The following DNAH1 variants were observed in gnomAD, a reference collection of about 807,000 sequenced individuals.
DNAH1 encodes dynein axonemal heavy chain 1, also known as axonemal beta dynein heavy chain 1.
DNAH1 carries 327 observed loss-of-function variants against 484.3 expected under a neutral mutation model. The observed-to-expected ratio is 0.68, with a 90% CI of 0.62 to 0.74. DNAH1 has a LOEUF of 0.74. Ranked by LOEUF, DNAH1 falls within the 30% of genes least tolerant of loss-of-function variation. The probability of loss-of-function intolerance (pLI) is 0.00; values close to 1 mark genes in which losing one functional copy is unlikely to be tolerated. For synonymous variants in DNAH1, 2,192 were observed against 2,191.9 expected, an observed-to-expected ratio of 1.00 and a Z score of 0.00; for missense variants, 5,052 against 5,546.8, an observed-to-expected ratio of 0.91 and a Z score of 2.83.
In DNAH1 at chr3:52,359,899, G is replaced by A. The variant is rs1476170858; in HGVS notation, c.4408-17G>A. ...TCGTGGTACCCTGATGTTTGACAGT[G>A]CACCCCATTTCTGCAGCTCAGTGAT... On this transcript the variant is annotated splice_polypyrimidine_tract_variant and intron_variant, in intron 26 of 77. Transcript: ENST00000420323. The A allele has an allele frequency of 1.2e-6, 2 of 1,613,182 alleles. No homozygotes were observed. The highest frequency in any genetic ancestry group is 1.7e-6 in the Non-Finnish European group (2 of 1,179,624).
intron 8 of DNAH1, among the ~76,000 whole-genome samples, chr3:52,334,690 G>A (rs1012073009): frequency 6.6e-6 from 1 of 152,152 alleles, no homozygotes; most frequent in Non-Finnish European, 1.5e-5. Flanking sequence ...TTACTTGGGA[G>A]GCTGAGGCCC....
intron 11 of DNAH1, 144 bp downstream of exon 11, chr3:52,346,914 G>T: frequency 1.1e-6 from 1 of 870,160 alleles, no homozygotes. Flanking sequence ...CCTGCAGGCT[G>T]CTGGGCAATG....
At chr3:52,312,702 G>T (rs1172586273), upstream of DNAH1, among the ~76,000 whole-genome samples, 2 of 152,014 alleles carry the variant, frequency 1.3e-5, no homozygotes, top group East Asian at 1.9e-4. Flanking sequence ...GCCCAGGCTG[G>T]AGTGCAGTGG....
chr3:52,355,225 G>A lies in DNAH1; in HGVS notation c.3693+170G>A, dbSNP rs1051890523. ...CCCGCCCTACTGCATTCAGAGGAGG[G>A]CAACTAGGATGGGCTCTCCATCCAT... On this transcript the variant is annotated intron_variant, in intron 21 of 77. Coordinates refer to ENST00000420323, the MANE Select transcript of DNAH1 (RefSeq NM_015512.5). This position sits in a 1 kb window ranked among gnomAD's most constrained non-coding sequence, Gnocchi z 4.5. Among the ~76,000 whole-genome samples, 1 of 152,216 alleles carries A rather than the reference G, an allele frequency of 6.6e-6. No individual in the cohort carries two copies. The highest frequency in any genetic ancestry group is 2.4e-5 in the African/African-American group (1 of 41,446).
rs930365420 is a variant in DNAH1 at position 52,394,736 on chromosome 3, C to T, written c.10823+75C>T. The T allele has an allele frequency of 1.3e-4, 203 of 1,509,918 alleles. 2 individuals carry two copies. The Middle Eastern group carries it at 2.3e-3, about 17-fold the overall frequency. 93.5% of individuals were successfully genotyped at this position (1,509,918 alleles called of 1,614,324 possible). A position where few individuals can be genotyped will look rare whatever the true frequency, so the allele number is the denominator to read the frequency against. ...TCCCTAGGAAAGGCTTGTCTGGGCG[C>T]CTTCTCTAAGGGGCCACCCAGGGTT... On this transcript the variant is annotated intron_variant, in intron 67 of 77. Transcript: ENST00000420323.
intron 3 of DNAH1, among the ~76,000 whole-genome samples, chr3:52,324,584 A>G (rs913098682): frequency 6.6e-6 from 1 of 151,966 alleles, no homozygotes; most frequent in Non-Finnish European, 1.5e-5. Flanking sequence ...CACCCCCAGG[A>G]AAGACCTGGC....
chr3:52,327,799 A>G (rs566834843), intron 5 of DNAH1, 83 bp from the exon 6 acceptor site: 4 of 1,542,574 alleles, frequency 2.6e-6, no homozygotes, highest in Non-Finnish European at 3.6e-6. Context: ...TTACTTAGGC[A>G]CCCCATCCTT....
At chr3:52,394,413 C>A in intron 66 of DNAH1, 52 bp from the exon 67 acceptor site, 2 of 1,586,214 alleles carry the variant, frequency 1.3e-6, no homozygotes, top group South Asian at 2.2e-5. Flanking sequence ...GTGCCCAGAG[C>A]AGGAGGAGCT....
intron 37 of DNAH1, 78 bp from the exon 38 acceptor site, chr3:52,369,747 T>TC: frequency 6.8e-7 from 1 of 1,478,100 alleles, no homozygotes; most frequent in Non-Finnish European, 9.2e-7. Flanking sequence ...GTGCAGCCCC[T>TC]CCCCGCAGCC....
chr3:52,367,199 C>T (rs751439052), intron 36 of DNAH1, among the ~76,000 whole-genome samples: 2 of 152,094 alleles, frequency 1.3e-5, no homozygotes, highest in South Asian at 4.1e-4. Context: ...GGGCCCTCTC[C>T]GGGCCCCTGC....
chr3:52,398,236 A>G (rs1246086803), intron 75 of DNAH1, 74 bp downstream of exon 75: 4 of 1,510,790 alleles, frequency 2.6e-6, no homozygotes, highest in East Asian at 4.6e-5. Flanking sequence ...AGGGGTTACT[A>G]TGGGCCAGGT....
At chr3:52,378,527 AAGG>A in intron 46 of DNAH1, 72 bp from the exon 47 acceptor site, 2 of 1,500,470 alleles carry the variant, frequency 1.3e-6, no homozygotes, top group Non-Finnish European at 1.8e-6. Context: ...CAGCAAAGGC[AAGG>A]AGGTCAGGAC....
Position 52,347,991 on chromosome 3 carries a change from G to T in DNAH1, c.2106+17G>T. On this transcript the variant is annotated intron_variant, in intron 12 of 77. Coordinates refer to ENST00000420323, the MANE Select transcript of DNAH1 (RefSeq NM_015512.5). ...CTGGAGAAGGTACGTGCTGCAGCCT[G>T]AGCAGGCCCCAGGCACCTGCTGCCC... The T allele has an allele frequency of 6.3e-7, 1 of 1,597,426 alleles. No individual in the cohort carries two copies. The highest frequency in any genetic ancestry group is 1.1e-5 in the South Asian group (1 of 88,204).
At chr3:52,346,445 A>G (rs1035443264) in intron 10 of DNAH1, 27 bp from the exon 11 acceptor site, 10 of 1,588,782 alleles carry the variant, frequency 6.3e-6, no homozygotes, top group African/African-American at 1.3e-5. Context: ...CAGGGTGGCC[A>G]TATGATGATG....
chr3:52,395,250 C>G lies in DNAH1; in HGVS notation c.10969-58C>G. 2 of 1,578,746 alleles carry G rather than the reference C, an allele frequency of 1.3e-6. No individual in the cohort carries two copies. Among genetic ancestry groups the G allele is most frequent in the Non-Finnish European group, 1.7e-6 (2 of 1,160,586 alleles). On this transcript the variant is annotated intron_variant, in intron 68 of 77. Coordinates refer to ENST00000420323, the MANE Select transcript of DNAH1 (RefSeq NM_015512.5). The surrounding 1 kb of genome is among the most constrained non-coding windows in gnomAD (Gnocchi z 4.4). ...CTCTGAGAACCCCAGATCCCCCTCC[C>G]TTGCCCCGATCTCTCTGCAGCCCCA...
Position 52,391,164 on chromosome 3 carries a change from C to T in DNAH1, c.9742-15C>T. 1 of 1,613,582 alleles carries T rather than the reference C, an allele frequency of 6.2e-7. No homozygotes were observed. The highest frequency in any genetic ancestry group is 8.5e-7 in the Non-Finnish European group (1 of 1,179,588). On this transcript the variant is annotated splice_polypyrimidine_tract_variant and intron_variant, in intron 61 of 77. Coordinates refer to ENST00000420323, the MANE Select transcript of DNAH1 (RefSeq NM_015512.5). Reference sequence around the variant, plus strand: ...CTCAGTCCCTGCAACCCCTTCTTTTCCCCTTCCCTTACAGGAGAAGGACAA... The same window carrying T: ...CTCAGTCCCTGCAACCCCTTCTTTTTCCCTTCCCTTACAGGAGAAGGACAA...
upstream of DNAH1, among the ~76,000 whole-genome samples, chr3:52,315,502 G>T (rs1444920572): frequency 6.6e-6 from 1 of 152,218 alleles, no homozygotes; most frequent in Non-Finnish European, 1.5e-5. Context: ...CCTGGGCCAG[G>T]GCATCCTAAG....
In DNAH1 at chr3:52,358,779, C is replaced by T. The variant is rs763635793; in HGVS notation, c.4266+42C>T. The stretch of plus-strand genomic sequence containing the variant: ...CCGTGCAGCCTTCCACCCCTGCACC[C>T]CTCTGCTCCCTCTCAGTGCCCCTCC... On this transcript the variant is annotated intron_variant, in intron 25 of 77. Coordinates refer to ENST00000420323, the MANE Select transcript of DNAH1 (RefSeq NM_015512.5). The surrounding 1 kb of genome is among the most constrained non-coding windows in gnomAD (Gnocchi z 4.2). The T allele has an allele frequency of 6.2e-7, 1 of 1,603,434 alleles. No individual in the cohort carries two copies. Among genetic ancestry groups the T allele is most frequent in the Non-Finnish European group, 8.5e-7 (1 of 1,176,296 alleles).
intron 75 of DNAH1, 57 bp downstream of exon 75, chr3:52,398,219 T>C: frequency 1.3e-6 from 2 of 1,547,574 alleles, no homozygotes; most frequent in Non-Finnish European, 1.7e-6. Context: ...TGTAGAGAAA[T>C]GACAACAGGG....
Sources: allele counts gnomAD v4.1 joint callset (sites outside exome capture counted in the v4.1 genomes callset), GRCh38; gene constraint gnomAD v4.1.1; non-coding constraint Gnocchi (gnomAD v3.1); transcripts MANE v1.5; gene names NCBI Gene and HGNC (gene_info 2026-07-23, HGNC 2026-07-21).